The following ATG2B variants were observed in gnomAD, a reference collection of about 807,000 sequenced individuals.
ATG2B encodes the protein autophagy-related protein 2 homolog B.
ATG2B carries 121 observed loss-of-function variants against 241.3 expected under a neutral mutation model. The ratio of observed to expected loss-of-function variants is 0.50; its 90% CI spans 0.43 to 0.58. The LOEUF (loss-of-function observed/expected upper bound fraction) is 0.58. Ranked by LOEUF, ATG2B falls within the 20% of genes least tolerant of loss-of-function variation. ATG2B has a pLI of 0.00. For synonymous variants in ATG2B, 858 were observed against 876.6 expected (o/e 0.98, Z 0.37); for missense variants, 2,306 against 2,491.6 (o/e 0.93, Z 1.59).
At chr14:96,348,614 C>T (rs558695902) in intron 1 of ATG2B, among the ~76,000 whole-genome samples, 24 of 149,872 alleles carry the variant, frequency 1.6e-4, no homozygotes, top group African/African-American at 5.7e-4. Flanking sequence ...ACCCAGGAGG[C>T]GGAGGCTGCA....
Position 96,291,793 on chromosome 14 carries a change from A to ACTT in ATG2B, c.5497-114_5497-112dup, listed in dbSNP as rs768065666. 2.7e-4 allele frequency: 199 copies of ACTT among 747,210 alleles called. 1 individual carries two copies. The highest frequency in any genetic ancestry group is 4.0e-4 in the Non-Finnish European group (185 of 460,348). 46.3% of individuals were successfully genotyped at this position (747,210 alleles called of 1,614,324 possible). A position where few individuals can be genotyped will look rare whatever the true frequency, so the allele number is the denominator to read the frequency against. On this transcript the variant is annotated intron_variant, in intron 37 of 41. Coordinates refer to ENST00000359933, the MANE Select transcript of ATG2B (RefSeq NM_018036.7). ...CAGTAGTCATTATTGATACTAAAAC[A>ACTT]CTTAAAATATTTACAGTAAAAATAT...
chr14:96,326,272 A>G (rs2139874654), intron 14 of ATG2B, among the ~76,000 whole-genome samples: 1 of 152,330 alleles, frequency 6.6e-6, no homozygotes, highest in Non-Finnish European at 1.5e-5. Context: ...CAATACGGTT[A>G]AAAATCACTG....
At chr14:96,336,629 T>C (rs890924430) in intron 6 of ATG2B, among the ~76,000 whole-genome samples, 9 of 152,194 alleles carry the variant, frequency 5.9e-5, no homozygotes, top group Non-Finnish European at 1.5e-5. Flanking sequence ...TTTACATAAA[T>C]ATAAAAGCAT....
At chr14:96,349,127 C>A (rs1888247150) in intron 1 of ATG2B, among the ~76,000 whole-genome samples, 1 of 152,014 alleles carries the variant, frequency 6.6e-6, no homozygotes, top group East Asian at 1.9e-4. Context: ...TAAGCTGGGA[C>A]CAGAAGACCA....
rs1182506631 is a variant in ATG2B, at chr14:96,295,097, A to G, written c.5289T>C (p.Asn1763=). ...TTGGCCCAGAGAAAGAAATAACCAG[A>G]TTTGGCTCCTTTGAGGTACTCAAAT... is the stretch of plus-strand genomic sequence containing the variant. ...PRHLSTSKEP[N]LVISFSGPKQ... is the part of the protein sequence containing the mutation. The change falls in exon 36 of 42, where the codon AAT becomes AAC. Residue 1763 remains asparagine, a synonymous_variant. Transcript: ENST00000359933. 35 of 1,614,192 alleles carry G rather than the reference A, an allele frequency of 2.2e-5. No homozygotes were observed. Among genetic ancestry groups the G allele is most frequent in the Non-Finnish European group, 2.9e-5 (34 of 1,180,036 alleles).
In ATG2B at chr14:96,325,694, T is replaced by G. The variant is rs749803307; in HGVS notation, c.2392A>C (p.Thr798Pro). 50 of 1,613,710 alleles carry G rather than the reference T, an allele frequency of 3.1e-5. No homozygotes were observed. Among genetic ancestry groups the G allele is most frequent in the Middle Eastern group, 1.6e-4 (1 of 6,068 alleles). The part of the protein sequence containing the change: ...EFKTEFIGGS[T>P]PEQIKLELTF... ...AGTTCCAATTTAATTTGTTCTGGGG[T>G]TGATCCTCCTATAAATTCAGTCTTA... Residue 798 changes from threonine (T) to proline (P), a missense_variant, in exon 15 of 42, where the codon ACC becomes CCC. Physicochemically the swap from Thr to Pro is conservative, Grantham distance 38. This residue lies in a region of ATG2B where 1,927 missense variants were observed against 2,011.2 expected (regional missense o/e 0.96). Transcript: ENST00000359933.
chr14:96,305,850 T>C, intron 30 of ATG2B, 35 bp from the exon 31 acceptor site: 5 of 1,539,670 alleles, frequency 3.2e-6, no homozygotes, highest in Non-Finnish European at 4.5e-6. Flanking sequence ...ATACTCTCTT[T>C]TCTAATTAGA....
chr14:96,343,213 G>C lies in ATG2B; in HGVS notation c.650C>G (p.Ala217Gly), dbSNP rs770588412. The change falls in exon 5 of 42, where the codon GCT (alanine) becomes GGT (glycine). Residue 217 changes from alanine (A) to glycine (G), a missense_variant. Physicochemically the swap from Ala to Gly is moderately conservative, Grantham distance 60. Around this residue, in one of 2 missense-constraint regions of ATG2B, gnomAD observed 1,927 missense variants for 2,011.2 expected, o/e 0.96. Coordinates refer to ENST00000359933, the MANE Select transcript of ATG2B (RefSeq NM_018036.7). ...GINVHQPTAF[A>G]HKLLQLSGVS... is the part of the protein sequence containing the mutation. The stretch of plus-strand genomic sequence containing the variant: ...TCCAGAGAGCTGAAGTAACTTGTGA[G>C]CAAAAGCAGTGGGTTGATGCACATT... The C allele has an allele frequency of 6.2e-7, 1 of 1,611,720 alleles. No homozygotes were observed. The highest frequency in any genetic ancestry group is 1.7e-5 in the Admixed American group (1 of 59,664).
chr14:96,290,043 GT>G lies in ATG2B; in HGVS notation c.5857-239del. 9.3e-7 allele frequency: 1 copy of G among 1,071,808 alleles called. No homozygotes were observed. Among genetic ancestry groups the G allele is most frequent in the Non-Finnish European group, 1.2e-6 (1 of 805,500 alleles). 66.4% of individuals were successfully genotyped at this position (1,071,808 alleles called of 1,614,324 possible). A position where few individuals can be genotyped will look rare whatever the true frequency, so the allele number is the denominator to read the frequency against. On this transcript the variant is annotated intron_variant, in intron 40 of 41. Coordinates refer to ENST00000359933, the MANE Select transcript of ATG2B (RefSeq NM_018036.7). This position sits in a 1 kb window ranked among gnomAD's most constrained non-coding sequence, Gnocchi z 4.4. ...GAGCTAAATTTTTAGCCCCTCCTCT[GT>G]TCACTGAGAACACTCAACATTTCCA...
At chr14:96,309,912 A>G (rs1024855965) in intron 28 of ATG2B, among the ~76,000 whole-genome samples, 17 of 152,292 alleles carry the variant, frequency 1.1e-4, no homozygotes, top group African/African-American at 4.1e-4. Context: ...TAACTAAATA[A>G]GTTTGATCTC....
intron 6 of ATG2B, among the ~76,000 whole-genome samples, chr14:96,335,615 A>C (rs1290160143): frequency 1.3e-5 from 2 of 152,084 alleles, no homozygotes; most frequent in Non-Finnish European, 2.9e-5. Context: ...ACCTAGGCTG[A>C]CCTGGAGGAA....
chr14:96,324,075 CT>C, intron 15 of ATG2B, 77 bp from the exon 16 acceptor site: 5 of 960,634 alleles, frequency 5.2e-6, no homozygotes, highest in Non-Finnish European at 7.8e-6. Context: ...CAAAGATCCT[CT>C]CAATCAGGAA....
At chr14:96,291,725 A>C in intron 37 of ATG2B, 43 bp from the exon 38 acceptor site, 1 of 1,350,378 alleles carries the variant, frequency 7.4e-7, no homozygotes, top group Non-Finnish European at 1.1e-6. Context: ...CTGTAAATTA[A>C]GAGACTCAAC....
In ATG2B at chr14:96,317,707, C is replaced by T. The variant is rs1437430059; in HGVS notation, c.3028G>A (p.Val1010Ile). 6.2e-7 allele frequency: 1 copy of T among 1,605,220 alleles called. No individual in the cohort carries two copies. The highest frequency in any genetic ancestry group is 8.5e-7 in the Non-Finnish European group (1 of 1,174,910). ...KDSFSAFKSA[V>I]HYDEESGSEE... is the part of the protein sequence containing the mutation. ...ATTAAAAATATATTACCATAGTGAACTGCAGATTTAAATGCACTAAAACTA... is the reference window on the plus strand; with the variant it reads ...ATTAAAAATATATTACCATAGTGAATTGCAGATTTAAATGCACTAAAACTA... The change falls in exon 19 of 42, where the codon GTT (valine) becomes ATT (isoleucine). Residue 1010 changes from valine to isoleucine, a missense_variant. Around this residue, in one of 2 missense-constraint regions of ATG2B, gnomAD observed 1,927 missense variants for 2,011.2 expected, o/e 0.96. Transcript: ENST00000359933.
chr14:96,356,483 T>C (rs770067512), intron 1 of ATG2B, among the ~76,000 whole-genome samples: 11 of 152,182 alleles, frequency 7.2e-5, no homozygotes, highest in Non-Finnish European at 1.6e-4. Context: ...CATAATTTTT[T>C]TTAACGTAGT....
Position 96,313,398 on chromosome 14 carries a change from A to G in ATG2B, c.3680T>C (p.Leu1227Ser). The change falls in exon 24 of 42, where the codon TTG becomes TCG. Residue 1227 changes from leucine to serine, a missense_variant. By Grantham distance (145) the Leu-to-Ser change is moderately radical. Coordinates refer to ENST00000359933, the MANE Select transcript of ATG2B (RefSeq NM_018036.7). ...AAATGAAGTTGGAGGATTATATCCCAAAACAGGTTCATCAGCAATATTCAA... is the reference window on the plus strand; with the variant it reads ...AAATGAAGTTGGAGGATTATATCCCGAAACAGGTTCATCAGCAATATTCAA... ...YFLNIADEPV[L>S]GYNPPTSFTT... 1 of 1,594,456 alleles carries G rather than the reference A, an allele frequency of 6.3e-7. No individual in the cohort carries two copies. Among genetic ancestry groups the G allele is most frequent in the Non-Finnish European group, 8.5e-7 (1 of 1,174,040 alleles).
At chr14:96,337,455 A>T (rs1887896241) in intron 6 of ATG2B, among the ~76,000 whole-genome samples, 1 of 152,314 alleles carries the variant, frequency 6.6e-6, no homozygotes, top group South Asian at 2.1e-4. Context: ...TGTCAAAGCT[A>T]TGAGAAGGAG....
chr14:96,303,878 T>C (rs1344925817), intron 32 of ATG2B, among the ~76,000 whole-genome samples: 2 of 152,234 alleles, frequency 1.3e-5, no homozygotes, highest in Non-Finnish European at 2.9e-5. Flanking sequence ...CTTGCATACC[T>C]ATGAAATTGC....
chr14:96,357,343 C>T (rs536985495), intron 1 of ATG2B, among the ~76,000 whole-genome samples: 66 of 152,252 alleles, frequency 4.3e-4, no homozygotes, highest in Non-Finnish European at 9.0e-4. Flanking sequence ...TTACTACCCA[C>T]GCACTTTGTG....
Sources: gnomAD v4.1 joint callset for allele counts (sites outside exome capture counted in the v4.1 genomes callset) on GRCh38, gnomAD v4.1.1 for gene constraint, gnomAD v4.1.1 regional missense constraint, Gnocchi (gnomAD v3.1) non-coding constraint, MANE v1.5 for transcripts, NCBI Gene and HGNC (gene_info 2026-07-23, HGNC 2026-07-21) for gene names.